The following FGD5 variants were observed in gnomAD, a reference collection of about 807,000 sequenced individuals.
FGD5 encodes the protein FYVE, RhoGEF and PH domain containing 5.
A neutral mutation model predicts 133.4 loss-of-function variants in FGD5; 28 were observed. The ratio of observed to expected loss-of-function variants is 0.21; its 90% confidence interval spans 0.16 to 0.29. The LOEUF (loss-of-function observed/expected upper bound fraction) is 0.29, where lower values mean the gene tolerates loss of function less well. Among genes scored for constraint, FGD5 ranks in the 10% least tolerant of loss-of-function variants. The probability of loss-of-function intolerance (pLI) is 1.00; values close to 1 mark genes in which losing one functional copy is unlikely to be tolerated. For missense variants in FGD5, 1,858 were observed against 1,895.2 expected, an observed-to-expected ratio of 0.98 and a Z score of 0.36; for synonymous variants, 810 against 776.5, an observed-to-expected ratio of 1.04 and a Z score of -0.72.
chr3:14,910,355 G>T (rs1462445199), intron 10 of FGD5, among the ~76,000 whole-genome samples: 13 of 152,022 alleles, frequency 8.6e-5, no homozygotes, highest in Admixed American at 8.5e-4. Context: ...ACAATAACAG[G>T]GTAATAATTC....
intron 1 of FGD5, among the ~76,000 whole-genome samples, chr3:14,844,929 A>G (rs1364732782): frequency 6.6e-6 from 1 of 152,114 alleles, no homozygotes; most frequent in Non-Finnish European, 1.5e-5. Context: ...GCAGTAGCCC[A>G]TGGCTGGTGT....
At chr3:14,838,819 T>C (rs533401841) in intron 1 of FGD5, among the ~76,000 whole-genome samples, 82 of 152,298 alleles carry the variant, frequency 5.4e-4, no homozygotes, top group African/African-American at 1.9e-3. Context: ...TCAGATGACA[T>C]TGCTGGGGCC....
At chr3:14,882,378 G>A (rs566354664) in intron 4 of FGD5, 5 of 983,894 alleles carry the variant, frequency 5.1e-6, no homozygotes, top group Non-Finnish European at 6.0e-6. Context: ...AGATCCTGAG[G>A]ATGGGGTGAA....
chr3:14,886,596 G>T (rs555223277), intron 4 of FGD5, among the ~76,000 whole-genome samples: 2 of 152,318 alleles, frequency 1.3e-5, no homozygotes, highest in East Asian at 1.9e-4. Flanking sequence ...CACGGGGAGG[G>T]TGACACACTG....
Position 14,922,316 on chromosome 3 carries a change from C to A in FGD5, c.3670-95C>A. The stretch of plus-strand genomic sequence containing the variant: ...ACCCACTCACCCACACATCACACAC[C>A]CTGCACAGAGACGCAGGGCAGGGCT... On this transcript the variant is annotated intron_variant, in intron 14 of 19. Coordinates refer to ENST00000285046, the MANE Select transcript of FGD5 (RefSeq NM_152536.4). This position sits in a 1 kb window ranked among gnomAD's most constrained non-coding sequence, Gnocchi z 4.1. 1 of 1,508,000 alleles carries A rather than the reference C, an allele frequency of 6.6e-7. No individual in the cohort carries two copies. The highest frequency in any genetic ancestry group is 1.3e-5 in the South Asian group (1 of 78,984). The allele number at this position is 1,508,000 out of a possible 1,614,324, so 93.4% of individuals were successfully genotyped here. A position where few individuals can be genotyped will look rare whatever the true frequency, so the allele number is the denominator to read the frequency against.
intron 7 of FGD5, among the ~76,000 whole-genome samples, chr3:14,899,160 A>G (rs1339187852): frequency 6.6e-6 from 1 of 152,044 alleles, no homozygotes; most frequent in Non-Finnish European, 1.5e-5. Context: ...TCTTGGCCAT[A>G]TGAGTGGACA....
chr3:14,890,627 G>C (rs1200600626), intron 4 of FGD5, among the ~76,000 whole-genome samples: 1 of 152,196 alleles, frequency 6.6e-6, no homozygotes, highest in Admixed American at 6.5e-5. Context: ...TGGTGCATGA[G>C]TTTTAAGAAC....
upstream of FGD5, among the ~76,000 whole-genome samples, chr3:14,818,710 G>A (rs549309551): frequency 7.9e-5 from 12 of 152,306 alleles, no homozygotes; most frequent in South Asian, 2.1e-4. Context: ...GTTGATTTTC[G>A]TTAGTTGGGC....
Position 14,917,140 on chromosome 3 carries a change from AG to A in FGD5, c.3406-107del. Reference sequence around the variant, plus strand: ...TTTTGCTCACCTGTGGGGGTTACTGAGGAATACAAGATGCCTGTGCACAGCG... The same window carrying A: ...TTTTGCTCACCTGTGGGGGTTACTGAGAATACAAGATGCCTGTGCACAGCG... On this transcript the variant is annotated intron_variant, in intron 11 of 19. Coordinates refer to ENST00000285046, the MANE Select transcript of FGD5 (RefSeq NM_152536.4). The surrounding 1 kb of genome is among the most constrained non-coding windows in gnomAD (Gnocchi z 4.1). 1 of 924,206 alleles carries A rather than the reference AG, an allele frequency of 1.1e-6. No individual in the cohort carries two copies. The highest frequency in any genetic ancestry group is 1.6e-6 in the Non-Finnish European group (1 of 617,160). The allele number at this position is 924,206 out of a possible 1,614,324, so 57.3% of individuals were successfully genotyped here.
chr3:14,821,626 C>G, intron 1 of FGD5, 30 bp downstream of exon 1: 2 of 1,526,044 alleles, frequency 1.3e-6, no homozygotes, highest in South Asian at 1.3e-5. Context: ...CTTTCTTGTT[C>G]GGCAGCTGTA....
At chr3:14,933,104 A>G (rs1420138074) in intron 19 of FGD5, 27 bp from the exon 20 acceptor site, 1 of 1,611,718 alleles carries the variant, frequency 6.2e-7, no homozygotes, top group South Asian at 1.1e-5. Flanking sequence ...CCGCAAAACC[A>G]AATGTCCTCC....
chr3:14,818,609 G>T (rs560705253), upstream of FGD5, among the ~76,000 whole-genome samples: 287 of 152,312 alleles, frequency 1.9e-3, no homozygotes, highest in South Asian at 4.2e-3. Context: ...TCCCATGGTT[G>T]CTGGGTCATA....
chr3:14,850,277 C>G (rs902739445), intron 1 of FGD5, among the ~76,000 whole-genome samples: 4 of 152,224 alleles, frequency 2.6e-5, no homozygotes, highest in Non-Finnish European at 2.9e-5. Flanking sequence ...CAGTCCCCAC[C>G]ACCCATCCTT....
chr3:14,932,865 C>T, intron 19 of FGD5, 134 bp downstream of exon 19: 1 of 1,051,934 alleles, frequency 9.5e-7, no homozygotes, highest in Non-Finnish European at 1.4e-6. Flanking sequence ...AGCAGAACTG[C>T]AGAACTACCT....
intron 1 of FGD5, among the ~76,000 whole-genome samples, chr3:14,845,849 G>A (rs1328101817): frequency 6.6e-6 from 1 of 152,196 alleles, no homozygotes; most frequent in Non-Finnish European, 1.5e-5. Context: ...GGTCCTCCCT[G>A]ACTAGTGGCA....
At chr3:14,849,661 A>G (rs1481139060) in intron 1 of FGD5, among the ~76,000 whole-genome samples, 1 of 152,204 alleles carries the variant, frequency 6.6e-6, no homozygotes, top group South Asian at 2.1e-4. Context: ...TAATAAATGA[A>G]TAAATACAGT....
At chr3:14,894,338 T>G (rs2038091908) in intron 4 of FGD5, among the ~76,000 whole-genome samples, 1 of 152,196 alleles carries the variant, frequency 6.6e-6, no homozygotes, top group South Asian at 2.1e-4. Flanking sequence ...TTGCCACATT[T>G]TCTTTATCCA....
chr3:14,911,715 C>A (rs1343381334), intron 11 of FGD5, among the ~76,000 whole-genome samples: 1 of 149,520 alleles, frequency 6.7e-6, no homozygotes, highest in Non-Finnish European at 1.5e-5. Flanking sequence ...CTTCAGAGTC[C>A]AATGGGAGGG....
At chr3:14,933,041 G>A (rs1227449338) in intron 19 of FGD5, 90 bp from the exon 20 acceptor site, 3 of 1,406,326 alleles carry the variant, frequency 2.1e-6, no homozygotes, top group Non-Finnish European at 3.0e-6. Flanking sequence ...AAACTAAGAG[G>A]AATCTACTAG....
Sources: allele counts gnomAD v4.1 joint callset (sites outside exome capture counted in the v4.1 genomes callset), GRCh38; gene constraint gnomAD v4.1.1; non-coding constraint Gnocchi (gnomAD v3.1); transcripts MANE v1.5; gene names NCBI Gene and HGNC (gene_info 2026-07-23, HGNC 2026-07-21).